The following PHACTR3 variants were observed in gnomAD, a reference collection of about 807,000 sequenced individuals.
The protein encoded by PHACTR3 is phosphatase and actin regulator 3.
A neutral mutation model predicts 66.8 loss-of-function variants in PHACTR3; 16 were observed. That is an observed-to-expected ratio of 0.24 (90% CI 0.16 to 0.36). The LOEUF is 0.36. Among genes scored for constraint, PHACTR3 ranks in the 10% least tolerant of loss-of-function variants. The pLI, the probability that PHACTR3 is intolerant of heterozygous loss-of-function variation, is 1.00. For synonymous variants in PHACTR3, 323 were observed against 292.1 expected (o/e 1.11, Z -1.08); for missense variants, 647 against 719.9 (o/e 0.90, Z 1.16).
At chr20:59,843,967 A>C (rs2059108779) in intron 11 of PHACTR3, 1 of 152,050 alleles carries the variant, frequency 6.6e-6, no homozygotes, top group African/African-American at 2.4e-5. Flanking sequence ...GGAACTCAAC[A>C]GTCAAAAAAC....
chr20:59,843,829 A>G, intron 11 of PHACTR3: 1 of 152,044 alleles, frequency 6.6e-6, no homozygotes, highest in Non-Finnish European at 1.5e-5. Flanking sequence ...TAAACAAATG[A>G]GACTATATTA....
Position 59,742,599 on chromosome 20 carries a change from A to C in PHACTR3, c.119-508A>C, listed in dbSNP as rs554365323. 2.0e-5 allele frequency among the ~76,000 whole-genome samples: 3 copies of C among 152,312 alleles called. No homozygotes were observed. In the South Asian group the frequency reaches 6.2e-4, roughly 32 times the overall value. On this transcript the variant is annotated intron_variant, in intron 1 of 12. Coordinates refer to ENST00000371015, the MANE Select transcript of PHACTR3 (RefSeq NM_080672.5). ...GTGGCAGCCTGGTGGGAGGGCAGGC[A>C]GGCAGAGGTCTTTGCGGCTCATTGG...
Position 59,605,002 on chromosome 20 carries a change from G to A in PHACTR3, c.-13G>A. 1 of 1,290,382 alleles carries A rather than the reference G, an allele frequency of 7.7e-7. No individual in the cohort carries two copies. Among genetic ancestry groups the A allele is most frequent in the Non-Finnish European group, 9.9e-7 (1 of 1,011,908 alleles). 79.9% of individuals were successfully genotyped at this position (1,290,382 alleles called of 1,614,324 possible). A position where few individuals can be genotyped will look rare whatever the true frequency, so the allele number is the denominator to read the frequency against. On this transcript the variant is annotated 5_prime_UTR_variant, in exon 1 of 13. Coordinates refer to ENST00000371015, the MANE Select transcript of PHACTR3 (RefSeq NM_080672.5). The stretch of plus-strand genomic sequence containing the variant: ...GCGGCTCGCTCTAACTTGCCCCCGC[G>A]CCGGCCGGGCCCATGGCCGCGTCGG...
chr20:59,676,896 TG>T (rs11086674), intron 1 of PHACTR3: 84,363 of 193,200 alleles, frequency 0.44, 21,134 homozygotes, highest in African/African-American at 0.72. Flanking sequence ...TTTTTTTTTT[TG>T]TTCTTGAATC....
At chr20:59,828,950 A>G (rs2042269391) in intron 8 of PHACTR3, among the ~76,000 whole-genome samples, 1 of 151,788 alleles carries the variant, frequency 6.6e-6, no homozygotes, top group Admixed American at 6.6e-5. Context: ...AGGCAGATGG[A>G]TGGATGGACG....
At chr20:59,606,767 C>T (rs539452967) in intron 1 of PHACTR3, among the ~76,000 whole-genome samples, 12 of 152,000 alleles carry the variant, frequency 7.9e-5, no homozygotes, top group Non-Finnish European at 1.6e-4. Flanking sequence ...CAGGTGGTGC[C>T]GGTCCATGAG....
At chr20:59,723,682 C>T (rs765425729) in intron 1 of PHACTR3, among the ~76,000 whole-genome samples, 32 of 151,950 alleles carry the variant, frequency 2.1e-4, no homozygotes, top group African/African-American at 4.6e-4. Context: ...AATCATCGTA[C>T]GGTGACTCGG....
chr20:59,786,942 C>T (rs1455937409), intron 7 of PHACTR3, among the ~76,000 whole-genome samples: 1 of 136,424 alleles, frequency 7.3e-6, no homozygotes. Context: ...ATTTTTTTTT[C>T]AGGAAGTATG....
intron 8 of PHACTR3, among the ~76,000 whole-genome samples, chr20:59,832,834 A>G (rs1488525651): frequency 6.6e-6 from 1 of 152,174 alleles, no homozygotes; most frequent in Non-Finnish European, 1.5e-5. Context: ...TCTGGATCCC[A>G]ACTAAAGTGT....
At position 59,605,030 on chromosome 20, in the gene PHACTR3, G is replaced by A; in HGVS notation, c.16G>A (p.Asp6Asn). 7.4e-7 allele frequency: 1 copy of A among 1,351,786 alleles called. No homozygotes were observed. The highest frequency in any genetic ancestry group is 1.9e-5 in the South Asian group (1 of 53,234). 83.7% of individuals were successfully genotyped at this position (1,351,786 alleles called of 1,614,324 possible). A position where few individuals can be genotyped will look rare whatever the true frequency, so the allele number is the denominator to read the frequency against. The change falls in exon 1 of 13, where the codon GAC becomes AAC. Residue 6 changes from aspartate (D) to asparagine (N), a missense_variant. Coordinates refer to ENST00000371015, the MANE Select transcript of PHACTR3 (RefSeq NM_080672.5). ...GGCCGGGCCCATGGCCGCGTCGGAG[G>A]ACGGGAGCGGCTGCCTCGTGTCGCG... MAASE[D>N]GSGCLVSRGR...
chr20:59,598,773 C>G (rs1291450740), intron 1 of PHACTR3, among the ~76,000 whole-genome samples: 1 of 152,142 alleles, frequency 6.6e-6, no homozygotes, highest in Non-Finnish European at 1.5e-5. Context: ...CAAGCCAGGT[C>G]CAAGGACCAT....
intron 1 of PHACTR3, among the ~76,000 whole-genome samples, chr20:59,715,515 T>C (rs2038061244): frequency 6.6e-6 from 1 of 152,266 alleles, no homozygotes; most frequent in South Asian, 2.1e-4. Flanking sequence ...TTTCTCTGCC[T>C]CTGGTTTACT....
Position 59,671,338 on chromosome 20 carries a change from C to A in PHACTR3, c.118+66206C>A, listed in dbSNP as rs559392018. Among the ~76,000 whole-genome samples, 4 of 152,240 alleles carry A rather than the reference C, an allele frequency of 2.6e-5. No homozygotes were observed. In the East Asian group the frequency reaches 7.8e-4, roughly 30 times the overall value. Reference sequence around the variant, plus strand: ...GCCGGGGAAGGGCTAGAGTAAGAGTCGGTTTCTCCAAAGTGATGATGCATT... The same window carrying A: ...GCCGGGGAAGGGCTAGAGTAAGAGTAGGTTTCTCCAAAGTGATGATGCATT... On this transcript the variant is annotated intron_variant, in intron 1 of 12. Transcript: ENST00000371015.
chr20:59,831,455 C>A (rs2042374977), intron 8 of PHACTR3, among the ~76,000 whole-genome samples: 1 of 152,182 alleles, frequency 6.6e-6, no homozygotes, highest in Non-Finnish European at 1.5e-5. Flanking sequence ...TAATTAACTG[C>A]CACACTCAGG....
chr20:59,766,858 C>G (rs1398429475), intron 4 of PHACTR3, among the ~76,000 whole-genome samples: 1 of 152,188 alleles, frequency 6.6e-6, no homozygotes, highest in East Asian at 1.9e-4. Context: ...TCAGAGACCA[C>G]TTGAGCCTGG....
chr20:59,788,648 C>G (rs369819191), intron 7 of PHACTR3, among the ~76,000 whole-genome samples: 63 of 152,334 alleles, frequency 4.1e-4, no homozygotes, highest in Admixed American at 7.2e-4. Context: ...ATCTCCATCC[C>G]TGGCTCCAGC....
intron 7 of PHACTR3, among the ~76,000 whole-genome samples, chr20:59,774,691 G>T (rs1353320582): frequency 6.6e-6 from 1 of 151,852 alleles, no homozygotes; most frequent in Non-Finnish European, 1.5e-5. Context: ...CAGGCTTAGA[G>T]CAAGGAACTA....
In PHACTR3 at chr20:59,595,051, G is replaced by T. The variant is rs578113647; in HGVS notation, c.109+17434G>T. Among the ~76,000 whole-genome samples, 4 of 152,294 alleles carry T rather than the reference G, an allele frequency of 2.6e-5. No individual in the cohort carries two copies. In the South Asian group the frequency reaches 6.2e-4, roughly 24 times the overall value. On this transcript the variant is annotated intron_variant, in intron 1 of 12. Transcript: ENST00000359926. ...CGAGATTTCTTCTTTGACCTATGTGGCACATGAGGTGTGTTATTCAATCTC... is the reference window on the plus strand; with the variant it reads ...CGAGATTTCTTCTTTGACCTATGTGTCACATGAGGTGTGTTATTCAATCTC...
chr20:59,762,872 T>A (rs552368393), intron 4 of PHACTR3, among the ~76,000 whole-genome samples: 1 of 152,162 alleles, frequency 6.6e-6, no homozygotes, highest in East Asian at 1.9e-4. Flanking sequence ...CGAAGTAGAG[T>A]TCGTGAGACT....
Sources: allele counts gnomAD v4.1 joint callset (sites outside exome capture counted in the v4.1 genomes callset), GRCh38; gene constraint gnomAD v4.1.1; transcripts MANE v1.5; gene names NCBI Gene and HGNC (gene_info 2026-07-23, HGNC 2026-07-21).